SUPT3H: variants seen among roughly 807,000 people sequenced by gnomAD.
SUPT3H encodes SPT3 homolog, SAGA and STAGA complex component.
A neutral mutation model predicts 44.3 loss-of-function variants in SUPT3H; 44 were observed. The ratio of observed to expected loss-of-function variants is 0.99; its 90% CI spans 0.78 to 1.28. The LOEUF (loss-of-function observed/expected upper bound fraction) is 1.28. Ranked by LOEUF, SUPT3H falls within the 50% of genes most tolerant of loss-of-function variation. SUPT3H has a pLI of 0.00. For missense variants in SUPT3H, 380 were observed against 387.1 expected (o/e 0.98, Z 0.15); for synonymous variants, 124 against 125.6 (o/e 0.99, Z 0.09).
chr6:45,271,846 G>A (rs775992740), intron 2 of SUPT3H, among the ~76,000 whole-genome samples: 18 of 152,212 alleles, frequency 1.2e-4, no homozygotes, highest in Middle Eastern at 3.4e-3. Context: ...GCAAACAGAG[G>A]GGCAAAGCTG....
Position 44,998,544 on chromosome 6 carries a change from T to C in SUPT3H, c.504+5109A>G, listed in dbSNP as rs991994006. Among the ~76,000 whole-genome samples the C allele has an allele frequency of 5.9e-5, 9 of 152,010 alleles. No homozygotes were observed. The South Asian group carries it at 8.3e-4, about 14-fold the overall frequency. On this transcript the variant is annotated intron_variant, in intron 6 of 10. Coordinates refer to ENST00000371459, the MANE Select transcript of SUPT3H (RefSeq NM_003599.4). ...CTTCTGTCAATAGCTATACCTTTTA[T>C]TGAGAGCTCCTTGAACTCTGGCAAA... is the stretch of plus-strand genomic sequence containing the variant.
At chr6:45,342,534 C>T (rs1327113638) in intron 2 of SUPT3H, among the ~76,000 whole-genome samples, 1 of 152,138 alleles carries the variant, frequency 6.6e-6, no homozygotes, top group Non-Finnish European at 1.5e-5. Flanking sequence ...GCTGCGATTA[C>T]ACGCATAAGC....
intron 2 of SUPT3H, among the ~76,000 whole-genome samples, chr6:45,266,860 T>C (rs1012470036): frequency 6.6e-6 from 1 of 152,068 alleles, no homozygotes; most frequent in Non-Finnish European, 1.5e-5. Context: ...AACCTGAACA[T>C]CCAGAATGCT....
chr6:44,936,743 A>C (rs522282), intron 9 of SUPT3H, among the ~76,000 whole-genome samples: 149,180 of 152,278 alleles, frequency 0.98, 73,083 homozygotes, highest in Middle Eastern at 1. Flanking sequence ...TCTTGACTCA[A>C]TGCAACCTCT....
At chr6:44,920,990 G>A (rs1768619903) in intron 10 of SUPT3H, among the ~76,000 whole-genome samples, 1 of 152,110 alleles carries the variant, frequency 6.6e-6, no homozygotes, top group Non-Finnish European at 1.5e-5. Flanking sequence ...GGCAGATTGT[G>A]CCATCCTTTC....
At chr6:45,051,083 G>T (rs1790226223) in intron 3 of SUPT3H, among the ~76,000 whole-genome samples, 1 of 151,950 alleles carries the variant, frequency 6.6e-6, no homozygotes, top group African/African-American at 2.4e-5. Flanking sequence ...ATGGAGTTTT[G>T]CTGTGTTAGT....
chr6:45,022,009 T>C (rs1785209834), intron 3 of SUPT3H, among the ~76,000 whole-genome samples: 1 of 152,032 alleles, frequency 6.6e-6, no homozygotes, highest in Non-Finnish European at 1.5e-5. Context: ...ATATTTTTTC[T>C]AAAAATTGGT....
intron 6 of SUPT3H, among the ~76,000 whole-genome samples, chr6:44,973,190 G>C (rs1777842091): frequency 6.6e-6 from 1 of 152,024 alleles, no homozygotes; most frequent in African/African-American, 2.4e-5. Flanking sequence ...ACTTTTTACA[G>C]CACCCAAGGA....
intron 3 of SUPT3H, among the ~76,000 whole-genome samples, chr6:45,086,043 G>C (rs1418860855): frequency 2.0e-5 from 3 of 152,044 alleles, no homozygotes; most frequent in Admixed American, 6.6e-5. Context: ...ACTGAAGGTT[G>C]CAGGAGTTCT....
At chr6:45,049,177 T>A (rs537829841) in intron 3 of SUPT3H, among the ~76,000 whole-genome samples, 79 of 152,200 alleles carry the variant, frequency 5.2e-4, no homozygotes, top group Admixed American at 1.2e-3. Context: ...AAACAATTTT[T>A]TAAAAAATCA....
At chr6:45,154,676 T>C (rs1363835400) in intron 2 of SUPT3H, among the ~76,000 whole-genome samples, 1 of 152,152 alleles carries the variant, frequency 6.6e-6, no homozygotes, top group Non-Finnish European at 1.5e-5. Flanking sequence ...TTCAGGCTCA[T>C]TCATATCCCC....
intron 1 of SUPT3H, among the ~76,000 whole-genome samples, chr6:45,372,343 G>T (rs192947614): frequency 6.6e-6 from 1 of 152,284 alleles, no homozygotes; most frequent in Non-Finnish European, 1.5e-5. Context: ...TGATGATGAT[G>T]ATTAACTCAT....
intron 2 of SUPT3H, among the ~76,000 whole-genome samples, chr6:45,317,846 C>A (rs540739307): frequency 6.6e-6 from 1 of 151,738 alleles, no homozygotes; most frequent in African/African-American, 2.4e-5. Context: ...AATGGGATTA[C>A]AATAAACTAA....
Position 45,240,357 on chromosome 6 carries a change from G to A in SUPT3H, c.101+124844C>T, listed in dbSNP as rs116552018. On this transcript the variant is annotated intron_variant, in intron 2 of 10. Coordinates refer to ENST00000371459, the MANE Select transcript of SUPT3H (RefSeq NM_003599.4). ...CTGCCGTGAGTATTCCTTCAACAAC[G>A]GCTGACACAGAGAACAATTATTCTT... Among the ~76,000 whole-genome samples, 336 of 152,106 alleles carry A rather than the reference G, an allele frequency of 2.2e-3. 2 individuals are homozygous for A. The highest frequency in any genetic ancestry group is 6.9e-3 in the African/African-American group (286 of 41,500).
chr6:45,161,851 A>G (rs1045238567), intron 2 of SUPT3H, among the ~76,000 whole-genome samples: 3 of 152,186 alleles, frequency 2.0e-5, no homozygotes, highest in African/African-American at 7.2e-5. Context: ...CTATTTCTGT[A>G]CTATTTAATT....
At chr6:45,063,183 A>AC (rs1318368511) in intron 3 of SUPT3H, among the ~76,000 whole-genome samples, 7 of 143,542 alleles carry the variant, frequency 4.9e-5, no homozygotes, top group Non-Finnish European at 1.1e-4. Context: ...ACTGGGAGGC[A>AC]CCCCCCAGCA....
intron 2 of SUPT3H, among the ~76,000 whole-genome samples, chr6:45,113,720 C>T (rs1304177533): frequency 2.0e-5 from 3 of 150,646 alleles, no homozygotes; most frequent in African/African-American, 7.3e-5. Flanking sequence ...ACCCCAGCTA[C>T]TTGGGAGGTT....
At chr6:45,127,106 G>A (rs1583691208) in intron 2 of SUPT3H, among the ~76,000 whole-genome samples, 1 of 152,240 alleles carries the variant, frequency 6.6e-6, no homozygotes, top group East Asian at 1.9e-4. Context: ...ATGAGGTCAG[G>A]AGTTCGAGAC....
intron 8 of SUPT3H, among the ~76,000 whole-genome samples, chr6:44,953,719 T>C (rs1774671261): frequency 6.6e-6 from 1 of 152,076 alleles, no homozygotes; most frequent in Non-Finnish European, 1.5e-5. Flanking sequence ...TCTAGGAATT[T>C]GCTTATTTTA....
Sources: gnomAD v4.1 joint callset for allele counts (sites outside exome capture counted in the v4.1 genomes callset) on GRCh38, gnomAD v4.1.1 for gene constraint, MANE v1.5 for transcripts, NCBI Gene and HGNC (gene_info 2026-07-23, HGNC 2026-07-21) for gene names.